ELAPOR2: variants seen among roughly 807,000 people sequenced by gnomAD.
ELAPOR2 encodes the protein endosome/lysosome-associated apoptosis and autophagy regulator family member 2.
In ELAPOR2, 89 loss-of-function variants were observed where a neutral mutation model predicts 120.7. That is an observed-to-expected ratio of 0.74 (90% confidence interval 0.62 to 0.88). ELAPOR2 has a LOEUF of 0.88. Ranked by LOEUF, ELAPOR2 falls within the 40% of genes least tolerant of loss-of-function variation. The probability of loss-of-function intolerance (pLI) is 0.00; values close to 1 mark genes in which losing one functional copy is unlikely to be tolerated. For missense variants in ELAPOR2, 1,134 were observed against 1,251.6 expected (o/e 0.91, Z 1.42); for synonymous variants, 444 against 444.9 (o/e 1.00, Z 0.03).
At chr7:87,046,590 G>T (rs1224950586) in intron 1 of ELAPOR2, among the ~76,000 whole-genome samples, 1 of 152,148 alleles carries the variant, frequency 6.6e-6, no homozygotes, top group African/African-American at 2.4e-5. Context: ...ACATGTCAAG[G>T]GAGGGAGGTG....
intron 18 of ELAPOR2, 46 bp downstream of exon 18, chr7:86,907,624 T>C: frequency 8.3e-7 from 1 of 1,202,194 alleles, no homozygotes; most frequent in Non-Finnish European, 1.2e-6. Flanking sequence ...TTCTGGAGAG[T>C]TTTTCTTCCT....
chr7:86,974,996 G>A (rs1792233721), intron 1 of ELAPOR2, among the ~76,000 whole-genome samples: 1 of 152,242 alleles, frequency 6.6e-6, no homozygotes, highest in African/African-American at 2.4e-5. Context: ...AAAATCTAAC[G>A]CTTAAGTACT....
chr7:87,012,962 T>C (rs760902254), intron 1 of ELAPOR2, among the ~76,000 whole-genome samples: 16 of 152,078 alleles, frequency 1.1e-4, no homozygotes, highest in Non-Finnish European at 1.5e-4. Context: ...CCCAAATAGG[T>C]TGGAAATAAA....
At chr7:86,974,303 A>G (rs757260055) in intron 1 of ELAPOR2, among the ~76,000 whole-genome samples, 2 of 152,156 alleles carry the variant, frequency 1.3e-5, no homozygotes, top group Non-Finnish European at 2.9e-5. Flanking sequence ...AAATTTCCAA[A>G]TATATTATAT....
intron 8 of ELAPOR2, among the ~76,000 whole-genome samples, chr7:86,934,318 T>C (rs1790466855): frequency 1.3e-5 from 2 of 152,056 alleles, no homozygotes; most frequent in African/African-American, 4.8e-5. Flanking sequence ...TGATATGTAG[T>C]AAGCCCCACA....
At position 86,938,836 on chromosome 7, in the gene ELAPOR2, T is replaced by C; in HGVS notation, c.972A>G (p.Ile324Met). ...AAAATTGAGAGTCGTCTTTACACCT[T>C]ATACATTCTTTGGCTCCTTTCTCAG... ...TYSEKGAKEC[I>M]RCKDDSQFSE... Residue 324 changes from isoleucine (I) to methionine (M), a missense_variant, in exon 7 of 22, where the codon ATA (isoleucine) becomes ATG (methionine). Around this residue, in one of 3 missense-constraint regions of ELAPOR2, gnomAD observed 831 missense variants for 867.6 expected, o/e 0.96. Transcript: ENST00000450689. The C allele has an allele frequency of 1.2e-6, 2 of 1,613,292 alleles. No individual in the cohort carries two copies. Among genetic ancestry groups the C allele is most frequent in the Non-Finnish European group, 1.7e-6 (2 of 1,179,412 alleles).
rs1342111316 is a variant in ELAPOR2 at position 87,013,504 on chromosome 7, G to A, written c.189+45821C>T. Among the ~76,000 whole-genome samples, 3 of 152,122 alleles carry A rather than the reference G, an allele frequency of 2.0e-5. No individual in the cohort carries two copies. The East Asian group carries it at 5.8e-4, about 29-fold the overall frequency. On this transcript the variant is annotated intron_variant, in intron 1 of 21. Transcript: ENST00000450689. ...ACAGCAGATTAGGCAAGCAAGACAG[G>A]GTGAGGTGAGTGTTAGATACCTAAA...
intron 16 of ELAPOR2, 123 bp downstream of exon 16, chr7:86,909,689 C>T (rs1295518534): frequency 3.1e-5 from 25 of 805,926 alleles, no homozygotes; most frequent in Non-Finnish European, 4.4e-5. Flanking sequence ...TACAAAGTGA[C>T]AATTTAAAAT....
chr7:87,010,254 T>C (rs1793612406), intron 1 of ELAPOR2, among the ~76,000 whole-genome samples: 1 of 152,246 alleles, frequency 6.6e-6, no homozygotes, highest in African/African-American at 2.4e-5. Context: ...GCTTTCCAGT[T>C]GGAAATCTTT....
chr7:86,996,295 A>G (rs1253680900), intron 1 of ELAPOR2, among the ~76,000 whole-genome samples: 4 of 152,162 alleles, frequency 2.6e-5, no homozygotes, highest in African/African-American at 9.7e-5. Context: ...GGCACCAGCC[A>G]TGGTTGGGGA....
chr7:86,942,355 G>A (rs1790835295), intron 4 of ELAPOR2, among the ~76,000 whole-genome samples: 1 of 151,942 alleles, frequency 6.6e-6, no homozygotes, highest in African/African-American at 2.4e-5. Context: ...GAATGTGGGA[G>A]AACACTGACA....
At chr7:87,048,243 GA>G (rs560045626) in intron 1 of ELAPOR2, among the ~76,000 whole-genome samples, 3,513 of 106,794 alleles carry the variant, frequency 0.033, 42 homozygotes, top group Middle Eastern at 0.11. Context: ...ACTTCATCTA[GA>G]AAAAAAAAAA....
chr7:87,047,671 A>G (rs1794992266), intron 1 of ELAPOR2, among the ~76,000 whole-genome samples: 1 of 152,230 alleles, frequency 6.6e-6, no homozygotes, highest in Admixed American at 6.5e-5. Flanking sequence ...ACAGGCAATA[A>G]CAAATGCTGG....
intron 5 of ELAPOR2, 34 bp from the exon 6 acceptor site, chr7:86,940,149 A>G: frequency 1.5e-6 from 2 of 1,365,464 alleles, no homozygotes; most frequent in Non-Finnish European, 2.1e-6. Flanking sequence ...CTTAGGGCAG[A>G]TAAGCCATGC....
At chr7:86,912,373 C>T in intron 14 of ELAPOR2, 128 bp from the exon 15 acceptor site, 1 of 502,780 alleles carries the variant, frequency 2.0e-6, no homozygotes. Flanking sequence ...ATATACTTTA[C>T]CATACTAATA....
chr7:87,051,810 C>T (rs1338549796), intron 1 of ELAPOR2, among the ~76,000 whole-genome samples: 1 of 152,128 alleles, frequency 6.6e-6, no homozygotes, highest in African/African-American at 2.4e-5. Context: ...TTAATATTAC[C>T]ATGTTTTTCT....
intron 21 of ELAPOR2, among the ~76,000 whole-genome samples, chr7:86,882,037 C>A (rs1448394687): frequency 6.6e-6 from 1 of 152,184 alleles, no homozygotes; most frequent in East Asian, 1.9e-4. Context: ...TACACACAAA[C>A]ATATCAGTTT....
intron 5 of ELAPOR2, 76 bp downstream of exon 5, chr7:86,941,942 G>T: frequency 2.5e-6 from 2 of 795,188 alleles, no homozygotes; most frequent in Non-Finnish European, 4.2e-6. Context: ...AGGGGAAGTT[G>T]GGAAAGAAGA....
At chr7:86,911,364 T>C (rs898251087) in intron 15 of ELAPOR2, among the ~76,000 whole-genome samples, 1 of 152,168 alleles carries the variant, frequency 6.6e-6, no homozygotes, top group Admixed American at 6.6e-5. Context: ...GTTTCCTTTG[T>C]TCAAAGCTTT....
Sources: allele counts gnomAD v4.1 joint callset (sites outside exome capture counted in the v4.1 genomes callset), GRCh38; gene constraint gnomAD v4.1.1; regional missense constraint gnomAD v4.1.1; transcripts MANE v1.5; gene names NCBI Gene and HGNC (gene_info 2026-07-23, HGNC 2026-07-21).